Variants in CRYBG1 observed in about 807,000 individuals in gnomAD.
CRYBG1 encodes the protein beta/gamma crystallin domain-containing protein 1.
CRYBG1 carries 139 observed loss-of-function variants against 189.2 expected under a neutral mutation model. The ratio of observed to expected loss-of-function variants is 0.73; its 90% CI spans 0.64 to 0.85. CRYBG1 has a LOEUF of 0.85. Among genes scored for constraint, CRYBG1 ranks in the 40% least tolerant of loss-of-function variants. The probability of loss-of-function intolerance (pLI) is 0.00; values close to 1 mark genes in which losing one functional copy is unlikely to be tolerated. For missense variants in CRYBG1, 2,611 were observed against 2,675.8 expected, an observed-to-expected ratio of 0.98 and a Z score of 0.53; for synonymous variants, 1,023 against 1,017.1, an observed-to-expected ratio of 1.01 and a Z score of -0.11.
In CRYBG1 at chr6:106,512,547, G is replaced by C. The variant is rs1181351071; in HGVS notation, c.1430G>C (p.Gly477Ala). Residue 477 changes from glycine to alanine, a missense_variant, in exon 3 of 22, where the codon GGC becomes GCC. Gly to Ala is a moderately conservative substitution (Grantham distance 60). Around this residue, in one of 3 missense-constraint regions of CRYBG1, gnomAD observed 985 missense variants for 924.4 expected, o/e 1.07. Coordinates refer to ENST00000633556, the MANE Select transcript of CRYBG1 (RefSeq NM_001371242.2). ...VKSPRAALDG[G>A]VASAASPESK... The stretch of plus-strand genomic sequence containing the variant: ...TCTCCGCGGGCAGCCCTCGACGGGG[G>C]CGTTGCCTCCGCTGCGAGCCCAGAG... 1.2e-6 allele frequency: 2 copies of C among 1,607,914 alleles called. No individual in the cohort carries two copies. Among genetic ancestry groups the C allele is most frequent in the Non-Finnish European group, 1.7e-6 (2 of 1,177,728 alleles).
intron 1 of CRYBG1, chr6:106,449,288 T>C (rs1311341711): frequency 6.6e-6 from 1 of 152,162 alleles, no homozygotes; most frequent in Non-Finnish European, 1.5e-5. Context: ...AGTCAGTCAA[T>C]GGGCACATAT....
At chr6:106,400,903 G>A (rs958797361) in intron 1 of CRYBG1, among the ~76,000 whole-genome samples, 2 of 152,274 alleles carry the variant, frequency 1.3e-5, no homozygotes, top group African/African-American at 4.8e-5. Context: ...AAGAGGAAGA[G>A]CATTTCAAGC....
At chr6:106,494,482 T>A (rs1418121108) in intron 2 of CRYBG1, among the ~76,000 whole-genome samples, 1 of 152,180 alleles carries the variant, frequency 6.6e-6, no homozygotes, top group Non-Finnish European at 1.5e-5. Context: ...AGATGCTTAA[T>A]ATATGTTTCT....
chr6:106,504,677 G>A (rs1338928566), intron 2 of CRYBG1, among the ~76,000 whole-genome samples: 1 of 149,222 alleles, frequency 6.7e-6, no homozygotes, highest in Admixed American at 6.7e-5. Context: ...GTGTGTGTGT[G>A]TATAGAACAG....
intron 1 of CRYBG1, among the ~76,000 whole-genome samples, chr6:106,410,915 G>A (rs745838509): frequency 1.3e-5 from 2 of 152,106 alleles, no homozygotes; most frequent in Non-Finnish European, 2.9e-5. Flanking sequence ...TGTAGATGAC[G>A]GGTTGATGGG....
chr6:106,528,997 G>A (rs763747267), intron 7 of CRYBG1, among the ~76,000 whole-genome samples: 1 of 150,276 alleles, frequency 6.7e-6, no homozygotes, highest in Non-Finnish European at 1.5e-5. Context: ...AGGCTGGAGT[G>A]CAGTGGTGCA....
chr6:106,497,416 T>C (rs9480679), intron 2 of CRYBG1, among the ~76,000 whole-genome samples: 121,253 of 152,128 alleles, frequency 0.8, 49,133 homozygotes, highest in African/African-American at 0.95. Flanking sequence ...CCTTCATGGC[T>C]CATACTCCTT....
intron 1 of CRYBG1, among the ~76,000 whole-genome samples, chr6:106,379,337 C>T (rs1023228577): frequency 3.3e-5 from 5 of 151,582 alleles, no homozygotes; most frequent in African/African-American, 7.3e-5. Flanking sequence ...TCTTGGCTCA[C>T]AGCAATCTCT....
chr6:106,564,002 T>C, intron 21 of CRYBG1, 76 bp downstream of exon 21: 1 of 1,427,582 alleles, frequency 7.0e-7, no homozygotes, highest in African/African-American at 1.4e-5. Flanking sequence ...TTCATAACTT[T>C]TGAAAATGAT....
In CRYBG1 at chr6:106,433,761, A is replaced by ATATATATATG. The variant is rs1554235139; in HGVS notation, c.174-17924_174-17923insGTATATATAT. On this transcript the variant is annotated intron_variant, in intron 1 of 21. Transcript: ENST00000633556. The stretch of plus-strand genomic sequence containing the variant: ...CATATATATGTATATATATATGTGT[A>ATATATATATG]TATATATATATGTATATATATATAA... Among the ~76,000 whole-genome samples, 107 of 81,806 alleles carry ATATATATATG rather than the reference A, an allele frequency of 1.3e-3. 4 individuals carry two copies. Among genetic ancestry groups the ATATATATATG allele is most frequent in the African/African-American group, 4.4e-3 (102 of 23,342 alleles). 53.7% of individuals were successfully genotyped at this position (81,806 alleles called of 152,430 possible).
rs1774536773 is a variant in CRYBG1 at position 106,556,007 on chromosome 6, TG to T, written c.5715+112del. ...CTGCTCTTAAAGTTAGTTAAGGGCT[TG>T]GAGATGGAACTGTCCATTTGGCTCT... On this transcript the variant is annotated intron_variant, in intron 17 of 21. Transcript: ENST00000633556. 3.2e-6 allele frequency: 4 copies of T among 1,241,636 alleles called. No homozygotes were observed. In the East Asian group the frequency reaches 9.3e-5, roughly 29 times the overall value. 76.9% of individuals were successfully genotyped at this position (1,241,636 alleles called of 1,614,324 possible). A position where few individuals can be genotyped will look rare whatever the true frequency, so the allele number is the denominator to read the frequency against.
intron 1 of CRYBG1, among the ~76,000 whole-genome samples, chr6:106,431,455 T>C (rs544862592): frequency 2.0e-5 from 3 of 152,184 alleles, no homozygotes; most frequent in East Asian, 1.9e-4. Context: ...TCACGCGATA[T>C]ACCTTTGGGA....
rs761687732 is a variant in CRYBG1 at position 106,519,276 on chromosome 6, AAC to A, written c.2070_2071del (p.Asn690LysfsTer2). The part of the protein sequence containing the change: ...KISLFENKRT[N>X]SSPRHTDIRG... Reference sequence around the variant, plus strand: ...CTCCTTATTTGAAAACAAACGGACAAACAGTAGCCCAAGACACACTGACATTC... The same window carrying A: ...CTCCTTATTTGAAAACAAACGGACAAAGTAGCCCAAGACACACTGACATTC... On this transcript the variant is annotated frameshift_variant, in exon 4 of 22. Transcript: ENST00000633556. LOFTEE classifies it high-confidence loss of function. 106 of 1,613,998 alleles carry A rather than the reference AAC, an allele frequency of 6.6e-5. No homozygotes were observed. The South Asian group carries it at 1.1e-3, about 17-fold the overall frequency.
At chr6:106,453,819 G>A (rs905445791) in intron 2 of CRYBG1, among the ~76,000 whole-genome samples, 1 of 152,202 alleles carries the variant, frequency 6.6e-6, no homozygotes, top group Non-Finnish European at 1.5e-5. Flanking sequence ...AGCCAAAAAT[G>A]TCAGGGAAGG....
At chr6:106,500,270 C>T (rs1478721552) in intron 2 of CRYBG1, among the ~76,000 whole-genome samples, 2 of 152,134 alleles carry the variant, frequency 1.3e-5, no homozygotes, top group South Asian at 2.1e-4. Flanking sequence ...AATTTATATT[C>T]CCACCAACAG....
intron 2 of CRYBG1, among the ~76,000 whole-genome samples, chr6:106,474,905 T>C (rs1772304589): frequency 6.6e-6 from 1 of 152,226 alleles, no homozygotes; most frequent in East Asian, 1.9e-4. Context: ...ACATATGGTA[T>C]GTGAGCTTCC....
chr6:106,520,085 C>T lies in CRYBG1; in HGVS notation c.2877C>T (p.Ser959=), dbSNP rs368254823. The part of the protein sequence containing the change: ...CPSRVLVQVR[S]FVLPVESTQD... Reference sequence around the variant, plus strand: ...CCAGAGTCCTCGTCCAGGTCAGGTCCTTCGTGCTCCCCGTGGAGAGCACCC... The same window carrying T: ...CCAGAGTCCTCGTCCAGGTCAGGTCTTTCGTGCTCCCCGTGGAGAGCACCC... Residue 959 remains serine, a synonymous_variant, in exon 4 of 22, where the codon TCC becomes TCT. Coordinates refer to ENST00000633556, the MANE Select transcript of CRYBG1 (RefSeq NM_001371242.2). 6.2e-7 allele frequency: 1 copy of T among 1,614,036 alleles called. No homozygotes were observed. Among genetic ancestry groups the T allele is most frequent in the African/African-American group, 1.3e-5 (1 of 74,908 alleles).
At chr6:106,451,565 T>G in intron 1 of CRYBG1, 129 bp from the exon 2 acceptor site, 1 of 948,160 alleles carries the variant, frequency 1.1e-6, no homozygotes, top group Non-Finnish European at 1.5e-6. Flanking sequence ...CGTGTAGGTT[T>G]TGAAGAATGA....
chr6:106,518,214 G>A (rs1773485861), intron 3 of CRYBG1, among the ~76,000 whole-genome samples: 1 of 152,122 alleles, frequency 6.6e-6, no homozygotes, highest in African/African-American at 2.4e-5. Flanking sequence ...AATGTTAACA[G>A]GGATATTGTC....
Sources: allele counts gnomAD v4.1 joint callset (sites outside exome capture counted in the v4.1 genomes callset), GRCh38; gene constraint gnomAD v4.1.1; regional missense constraint gnomAD v4.1.1; transcripts MANE v1.5; gene names NCBI Gene and HGNC (gene_info 2026-07-23, HGNC 2026-07-21).